PDSS1: variants seen among roughly 807,000 people sequenced by gnomAD.
PDSS1 encodes the protein all trans-polyprenyl-diphosphate synthase PDSS1.
A neutral mutation model predicts 57.5 loss-of-function variants in PDSS1; 43 were observed. The observed-to-expected ratio is 0.75, with a 90% CI of 0.59 to 0.96. The LOEUF (loss-of-function observed/expected upper bound fraction) is 0.96. Among genes scored for constraint, PDSS1 ranks in the 50% least tolerant of loss-of-function variants. PDSS1 has a pLI of 0.00. For synonymous variants in PDSS1, 175 were observed against 191.3 expected (o/e 0.91, Z 0.70); for missense variants, 438 against 527.8 (o/e 0.83, Z 1.67).
In PDSS1 at chr10:26,715,323, G is replaced by A. The variant is rs1188040389; in HGVS notation, c.468-4895G>A. The A allele has an allele frequency of 2.0e-5, 3 of 152,236 alleles. No individual in the cohort carries two copies. The East Asian group carries it at 5.8e-4, about 29-fold the overall frequency. 9.4% of individuals were successfully genotyped at this position (152,236 alleles called of 1,614,324 possible). On this transcript the variant is annotated intron_variant, in intron 5 of 11. Transcript: ENST00000376215. ...TGAGAGCAAGAGGGCTGCAGGGCTT[G>A]TGACCGTGGTGTGTGCACCTTGTTC...
At chr10:26,707,231 C>T (rs974219466) in intron 4 of PDSS1, among the ~76,000 whole-genome samples, 4 of 152,170 alleles carry the variant, frequency 2.6e-5, no homozygotes, top group African/African-American at 7.2e-5. Context: ...GAAGGACATA[C>T]ACCAATTAAG....
At chr10:26,699,960 C>G (rs1246117355) in intron 1 of PDSS1, among the ~76,000 whole-genome samples, 1 of 152,128 alleles carries the variant, frequency 6.6e-6, no homozygotes, top group Non-Finnish European at 1.5e-5. Context: ...CCTGATAGTC[C>G]TTGGGGACAC....
chr10:26,702,322 G>A (rs1307784872), intron 2 of PDSS1, 128 bp downstream of exon 2: 5 of 339,390 alleles, frequency 1.5e-5, no homozygotes, highest in South Asian at 2.4e-5. Flanking sequence ...GGGGCAGAAC[G>A]ATATGGTTGG....
At chr10:26,728,736 A>G (rs909937159) in intron 8 of PDSS1, among the ~76,000 whole-genome samples, 4 of 150,292 alleles carry the variant, frequency 2.7e-5, no homozygotes, top group African/African-American at 9.8e-5. Flanking sequence ...GGAAGCTCTT[A>G]ACTGTATGGG....
At chr10:26,710,011 G>A (rs1400975760) in intron 5 of PDSS1, among the ~76,000 whole-genome samples, 4 of 151,866 alleles carry the variant, frequency 2.6e-5, no homozygotes, top group African/African-American at 4.8e-5. Flanking sequence ...AAAATTAGCC[G>A]GGCGTGGTGG....
chr10:26,703,898 G>T (rs564049912), intron 2 of PDSS1, among the ~76,000 whole-genome samples: 2 of 151,598 alleles, frequency 1.3e-5, no homozygotes, highest in Non-Finnish European at 2.9e-5. Flanking sequence ...TGGCTAACAC[G>T]GTGAAACCCC....
intron 1 of PDSS1, among the ~76,000 whole-genome samples, chr10:26,698,119 T>TCC (rs1834931278): frequency 1.3e-5 from 2 of 151,942 alleles, no homozygotes; most frequent in South Asian, 4.2e-4. Flanking sequence ...AGCGGTGGGA[T>TCC]CCGTGTCCTG....
At chr10:26,725,847 G>A (rs544657707) in intron 8 of PDSS1, among the ~76,000 whole-genome samples, 34 of 152,274 alleles carry the variant, frequency 2.2e-4, no homozygotes, top group African/African-American at 4.3e-4. Context: ...AGACTGAGGC[G>A]GAAGGTTTGC....
rs1199189020 is a variant in PDSS1 at position 26,734,812 on chromosome 10, T to C, written c.832-428T>C. On this transcript the variant is annotated intron_variant, in intron 8 of 11. Transcript: ENST00000376215. ...TAGTATCTCTTCCTGAAATGAGGGA[T>C]ACATTGATAGAGATGATTAAAGCCA... is the stretch of plus-strand genomic sequence containing the variant. The C allele has an allele frequency of 6.6e-6, 3 of 455,968 alleles. No individual in the cohort carries two copies. In the Admixed American group the frequency reaches 7.1e-5, roughly 11 times the overall value. The allele number at this position is 455,968 out of a possible 1,614,324, so 28.2% of individuals were successfully genotyped here.
At chr10:26,710,055 GAGGCAGGAGA>G (rs1312329674) in intron 5 of PDSS1, among the ~76,000 whole-genome samples, 7 of 151,494 alleles carry the variant, frequency 4.6e-5, no homozygotes, top group Non-Finnish European at 5.9e-5. Flanking sequence ...TTGGGAGGCT[GAGGCAGGAGA>G]ATCGTTTGAA....
At chr10:26,709,377 T>A (rs1835345687) in intron 4 of PDSS1, among the ~76,000 whole-genome samples, 1 of 152,088 alleles carries the variant, frequency 6.6e-6, no homozygotes, top group Non-Finnish European at 1.5e-5. Flanking sequence ...CTGGCCAACG[T>A]GGTGAAATCC....
At chr10:26,715,301 G>T (rs1187762377) in intron 5 of PDSS1, 4 of 152,198 alleles carry the variant, frequency 2.6e-5, no homozygotes, top group African/African-American at 9.7e-5. Flanking sequence ...ACCTCAGTGA[G>T]AGCAAGAGGG....
intron 8 of PDSS1, among the ~76,000 whole-genome samples, chr10:26,728,711 G>T (rs1836051428): frequency 6.7e-6 from 1 of 149,490 alleles, no homozygotes; most frequent in African/African-American, 2.5e-5. Context: ...CTGAAGAGTT[G>T]GTATTCCATT....
chr10:26,737,882 C>T (rs925827227), intron 10 of PDSS1, among the ~76,000 whole-genome samples: 21 of 152,174 alleles, frequency 1.4e-4, no homozygotes, highest in Admixed American at 1.1e-3. Flanking sequence ...GCAGTGTTCT[C>T]ATCTGCCCAT....
intron 4 of PDSS1, among the ~76,000 whole-genome samples, chr10:26,707,911 C>G (rs1057345660): frequency 1.3e-5 from 2 of 152,176 alleles, no homozygotes; most frequent in South Asian, 4.1e-4. Flanking sequence ...GGACTTGTCC[C>G]TCTCCTTCCC....
intron 11 of PDSS1, among the ~76,000 whole-genome samples, chr10:26,744,381 T>G (rs28515792): frequency 6.6e-6 from 1 of 151,914 alleles, no homozygotes; most frequent in African/African-American, 2.4e-5. Flanking sequence ...TATTTTTATT[T>G]TATTATTTTA....
chr10:26,722,898 C>CTT (rs751637147), intron 6 of PDSS1, among the ~76,000 whole-genome samples: 77 of 143,522 alleles, frequency 5.4e-4, no homozygotes, highest in African/African-American at 8.4e-4. Context: ...AATGGAAAAA[C>CTT]TTTTTTTTTT....
chr10:26,735,225 C>T lies in PDSS1; in HGVS notation c.832-15C>T, dbSNP rs1057524182. On this transcript the variant is annotated splice_polypyrimidine_tract_variant and intron_variant, in intron 8 of 11. Coordinates refer to ENST00000376215, the MANE Select transcript of PDSS1 (RefSeq NM_014317.5). Reference sequence around the variant, plus strand: ...CCTGGAAGCAGCTTATCTCAGAATGCTCTTTCTGTTTCAGGTCTCTGTTCT... The same window carrying T: ...CCTGGAAGCAGCTTATCTCAGAATGTTCTTTCTGTTTCAGGTCTCTGTTCT... 1.9e-6 allele frequency: 3 copies of T among 1,596,460 alleles called. No individual in the cohort carries two copies. The highest frequency in any genetic ancestry group is 2.6e-6 in the Non-Finnish European group (3 of 1,163,944).
At chr10:26,745,120 C>T (rs7904216) in intron 11 of PDSS1, among the ~76,000 whole-genome samples, 2,621 of 151,792 alleles carry the variant, frequency 0.017, 76 homozygotes, top group African/African-American at 0.059. Flanking sequence ...GCCAAGATCA[C>T]GCCACTGCAT....
Sources: gnomAD v4.1 joint callset for allele counts (sites outside exome capture counted in the v4.1 genomes callset) on GRCh38, gnomAD v4.1.1 for gene constraint, MANE v1.5 for transcripts, NCBI Gene and HGNC (gene_info 2026-07-23, HGNC 2026-07-21) for gene names.